The following MTR variants were observed in gnomAD, a reference collection of about 807,000 sequenced individuals.
MTR encodes methionine synthase.
MTR carries 84 observed loss-of-function variants against 154.8 expected under a neutral mutation model. The observed-to-expected ratio is 0.54, with a 90% CI of 0.45 to 0.65. MTR has a LOEUF of 0.65. Among genes scored for constraint, MTR ranks in the 30% least tolerant of loss-of-function variants. MTR has a pLI of 0.00. For missense variants in MTR, 1,275 were observed against 1,570.2 expected (o/e 0.81, Z 3.18); for synonymous variants, 554 against 553.9 (o/e 1.00, Z 0.00).
At position 236,875,795 on chromosome 1, in the gene MTR, G is replaced by C. The variant is rs190009648; in HGVS notation, c.2594+949G>C. 7.8e-4 allele frequency among the ~76,000 whole-genome samples: 119 copies of C among 152,208 alleles called. 3 individuals are homozygous for C. Among genetic ancestry groups the C allele is most frequent in the African/African-American group, 2.8e-3 (117 of 41,556 alleles). On this transcript the variant is annotated intron_variant, in intron 24 of 32. Transcript: ENST00000366577. ...CTGTACTTTTAGCCAATTTGTATAG[G>C]GTTGTTCAGAGGAACAGAATCAATA...
intron 24 of MTR, among the ~76,000 whole-genome samples, chr1:236,878,386 G>A (rs1366740932): frequency 3.3e-5 from 5 of 152,054 alleles, no homozygotes; most frequent in African/African-American, 1.2e-4. Context: ...GGACTTCCAC[G>A]TTTTCATGAA....
At chr1:236,894,225 C>CA (rs1456087094) in intron 29 of MTR, 132 bp from the exon 30 acceptor site, 1 of 808,466 alleles carries the variant, frequency 1.2e-6, no homozygotes, top group Non-Finnish European at 2.1e-6. Context: ...TAACAGTGCA[C>CA]AATACAGGCT....
Position 236,795,548 on chromosome 1 carries a change from T to TC in MTR, c.-150dup, listed in dbSNP as rs747170005. The TC allele has an allele frequency of 3.3e-6, 5 of 1,537,890 alleles. No individual in the cohort carries two copies. The highest frequency in any genetic ancestry group is 4.9e-5 in the East Asian group (2 of 40,966). On this transcript the variant is annotated 5_prime_UTR_variant, in exon 1 of 33. Transcript: ENST00000366577. Reference sequence around the variant, plus strand: ...CGCTGCGGGCTTTCGGGGTCCGCAGTCCCCCCGCGACGCGAGCCAACGGGA... The same window carrying TC: ...CGCTGCGGGCTTTCGGGGTCCGCAGTCCCCCCCGCGACGCGAGCCAACGGGA...
At chr1:236,854,858 T>C (rs1240357535) in intron 18 of MTR, among the ~76,000 whole-genome samples, 1 of 152,248 alleles carries the variant, frequency 6.6e-6, no homozygotes, top group African/African-American at 2.4e-5. Flanking sequence ...CAAGAGGTTT[T>C]GCCCCTGGAG....
intron 2 of MTR, among the ~76,000 whole-genome samples, chr1:236,804,498 A>G (rs1459114603): frequency 1.3e-5 from 2 of 152,160 alleles, no homozygotes; most frequent in Non-Finnish European, 1.5e-5. Context: ...GTACTGTCTT[A>G]TAATTTGCAT....
intron 10 of MTR, among the ~76,000 whole-genome samples, chr1:236,826,358 G>A (rs1455181746): frequency 4.6e-5 from 7 of 152,130 alleles, no homozygotes; most frequent in African/African-American, 1.7e-4. Context: ...GTTCAGTGGT[G>A]TGATCATAGC....
chr1:236,862,148 C>A, intron 20 of MTR, 88 bp from the exon 21 acceptor site: 1 of 1,055,650 alleles, frequency 9.5e-7, no homozygotes, highest in Non-Finnish European at 1.5e-6. Flanking sequence ...AGCATGCATT[C>A]CTAATGTGTG....
intron 22 of MTR, among the ~76,000 whole-genome samples, chr1:236,869,734 A>G (rs1487314618): frequency 6.6e-6 from 1 of 152,112 alleles, no homozygotes; most frequent in African/African-American, 2.4e-5. Flanking sequence ...TGGTGGGAAG[A>G]ATGGTAGCAG....
At chr1:236,897,310 G>GCGCACACACACA in intron 32 of MTR, among the ~76,000 whole-genome samples, 192 bp downstream of exon 32, 40 of 128,680 alleles carry the variant, frequency 3.1e-4, no homozygotes, top group Middle Eastern at 4.0e-3. Flanking sequence ...CCACACACAC[G>GCGCACACACACA]CACACACACA....
intron 8 of MTR, chr1:236,820,164 GCTGGCCTGAGAAGTT>G (rs1661844530): frequency 1.3e-6 from 1 of 763,680 alleles, no homozygotes; most frequent in African/African-American, 1.7e-5. Context: ...TGTGGTGGAT[GCTGGCCTGAGAAGTT>G]CTGCACATGC....
At chr1:236,861,060 GT>G in intron 19 of MTR, 64 bp from the exon 20 acceptor site, 8 of 1,415,804 alleles carry the variant, frequency 5.7e-6, no homozygotes, top group Non-Finnish European at 7.5e-6. Flanking sequence ...AGGTAAGGCA[GT>G]TTTTTAGGTG....
Position 236,897,776 on chromosome 1 carries a change from G to A in MTR, c.*132G>A. The A allele has an allele frequency of 1.2e-6, 1 of 806,230 alleles. No homozygotes were observed. Among genetic ancestry groups the A allele is most frequent in the Non-Finnish European group, 2.0e-6 (1 of 488,142 alleles). 49.9% of individuals were successfully genotyped at this position (806,230 alleles called of 1,614,324 possible). ...CACTTACCTGCTTCTGGTTTTCGAA[G>A]ACTATTTAGTGGAACCTTGTAGAGG... On this transcript the variant is annotated 3_prime_UTR_variant, in exon 33 of 33. Transcript: ENST00000366577.
chr1:236,894,323 G>T, intron 29 of MTR, 34 bp from the exon 30 acceptor site: 12 of 1,609,050 alleles, frequency 7.5e-6, no homozygotes, highest in Non-Finnish European at 9.4e-6. Flanking sequence ...TGCTAACGGC[G>T]CCCCCGCACA....
Position 236,861,235 on chromosome 1 carries a change from T to C in MTR, c.2154T>C (p.Ile718=). The C allele has an allele frequency of 6.2e-7, 1 of 1,613,848 alleles. No homozygotes were observed. Among genetic ancestry groups the C allele is most frequent in the African/African-American group, 1.3e-5 (1 of 74,958 alleles). The change falls in exon 20 of 33, where the codon ATT becomes ATC. Residue 718 remains isoleucine, a synonymous_variant. Coordinates refer to ENST00000366577, the MANE Select transcript of MTR (RefSeq NM_000254.3). ...IEGPLMNGMK[I]VGDLFGAGKM... The stretch of plus-strand genomic sequence containing the variant: ...GACCCCTGATGAATGGAATGAAAAT[T>C]GTTGGTGATCTTTTTGGAGCTGGAA...
chr1:236,803,332 C>G, intron 1 of MTR, 96 bp from the exon 2 acceptor site: 1 of 1,186,418 alleles, frequency 8.4e-7, no homozygotes, highest in Non-Finnish European at 1.2e-6. Flanking sequence ...CCATTTACTC[C>G]TTATTGGAGA....
At chr1:236,840,287 C>T (rs1572243645) in intron 15 of MTR, among the ~76,000 whole-genome samples, 1 of 152,244 alleles carries the variant, frequency 6.6e-6, no homozygotes, top group African/African-American at 2.4e-5. Context: ...ATCAGTTCTT[C>T]TTCCAAGCAT....
chr1:236,862,285 C>T lies in MTR; in HGVS notation c.2246C>T (p.Pro749Leu), dbSNP rs766018906. ...VMKKAVGHLI[P>L]FMEKEREETR... ...AAGAAGGCTGTTGGCCACCTTATCC[C>T]TTTCATGGAAAAAGAAAGAGAAGAA... Residue 749 changes from proline to leucine, a missense_variant, in exon 21 of 33, where the codon CCT becomes CTT. By Grantham distance (98) the Pro-to-Leu change is moderately conservative. Transcript: ENST00000366577. 1 of 1,613,982 alleles carries T rather than the reference C, an allele frequency of 6.2e-7. No individual in the cohort carries two copies. Among genetic ancestry groups the T allele is most frequent in the Non-Finnish European group, 8.5e-7 (1 of 1,179,912 alleles).
chr1:236,839,474 A>G (rs1008105161), intron 15 of MTR, among the ~76,000 whole-genome samples: 3 of 152,214 alleles, frequency 2.0e-5, no homozygotes, highest in African/African-American at 7.2e-5. Context: ...TAATGAGATT[A>G]GTTTCCTTTA....
intron 15 of MTR, among the ~76,000 whole-genome samples, chr1:236,850,021 A>G (rs1368459957): frequency 6.6e-6 from 1 of 152,112 alleles, no homozygotes; most frequent in Non-Finnish European, 1.5e-5. Context: ...TTCATAATAT[A>G]CCATATGTGT....
Sources: gnomAD v4.1 joint callset for allele counts (sites outside exome capture counted in the v4.1 genomes callset) on GRCh38, gnomAD v4.1.1 for gene constraint, MANE v1.5 for transcripts, NCBI Gene and HGNC (gene_info 2026-07-23, HGNC 2026-07-21) for gene names.